PTK2: variants seen among roughly 807,000 people sequenced by gnomAD.
PTK2 encodes focal adhesion kinase 1.
A neutral mutation model predicts 150.1 loss-of-function variants in PTK2; 45 were observed. The ratio of observed to expected loss-of-function variants is 0.30; its 90% CI spans 0.24 to 0.38. PTK2 has a LOEUF of 0.38. Among genes scored for constraint, PTK2 ranks in the 10% least tolerant of loss-of-function variants. PTK2 has a pLI of 1.00. For missense variants in PTK2, 919 were observed against 1,307.3 expected (o/e 0.70, Z 4.58); for synonymous variants, 432 against 449.2 (o/e 0.96, Z 0.48).
At chr8:140,747,007 C>T in intron 17 of PTK2, 147 bp from the exon 21 acceptor site, 2 of 571,640 alleles carry the variant, frequency 3.5e-6, no homozygotes, top group Admixed American at 6.2e-5. Flanking sequence ...TCTCCTGCCT[C>T]AGCCTCCCGA....
chr8:140,760,552 G>A (rs2100068821), intron 16 of PTK2, among the ~76,000 whole-genome samples: 1 of 152,154 alleles, frequency 6.6e-6, no homozygotes, highest in Non-Finnish European at 1.5e-5. Context: ...GAAAGTGGAT[G>A]AGTGGCTGCC....
At chr8:140,717,753 G>A (rs778442046) in intron 22 of PTK2, 44 bp from the exon 26 acceptor site, 67 of 1,512,358 alleles carry the variant, frequency 4.4e-5, no homozygotes, top group Non-Finnish European at 5.6e-5. Context: ...ACAACCCAGA[G>A]TTAGCACACA....
At chr8:140,964,863 G>T (rs1212104657) in intron 1 of PTK2, among the ~76,000 whole-genome samples, 3 of 152,036 alleles carry the variant, frequency 2.0e-5, no homozygotes, top group East Asian at 3.9e-4. Context: ...GACCTTGCTT[G>T]CCCTTAATGA....
At chr8:140,679,059 C>G (rs527401076) in intron 27 of PTK2, among the ~76,000 whole-genome samples, 1 of 112,236 alleles carries the variant, frequency 8.9e-6, no homozygotes, top group South Asian at 3.4e-4. Context: ...GACTCTTGCT[C>G]TGTCGCCCAG....
intron 1 of PTK2, among the ~76,000 whole-genome samples, chr8:140,946,607 G>C (rs1047506903): frequency 6.6e-6 from 1 of 152,096 alleles, no homozygotes; most frequent in Non-Finnish European, 1.5e-5. Flanking sequence ...GTGGTTTCCC[G>C]CATGAATACA....
chr8:140,917,610 C>T (rs1042604675), intron 2 of PTK2, among the ~76,000 whole-genome samples: 4 of 152,122 alleles, frequency 2.6e-5, no homozygotes, highest in Admixed American at 2.0e-4. Context: ...GATTTACCTA[C>T]AAAACACTGT....
At chr8:140,741,408 T>C (rs910456316) in intron 20 of PTK2, among the ~76,000 whole-genome samples, 3 of 151,422 alleles carry the variant, frequency 2.0e-5, no homozygotes, top group Non-Finnish European at 2.9e-5. Flanking sequence ...TGAGCCCAGA[T>C]AGCGCCACTG....
intron 2 of PTK2, among the ~76,000 whole-genome samples, chr8:140,902,387 AGT>A (rs199559206): frequency 0.033 from 4,982 of 152,260 alleles, 279 homozygotes; most frequent in African/African-American, 0.11. Context: ...GTTGGTTCCA[AGT>A]CTTTGCTACT....
rs2100071430 is a variant in PTK2 at position 140,764,765 on chromosome 8, C to T, written c.1178-475G>A. The stretch of plus-strand genomic sequence containing the variant: ...GGAACCTTTAGAAAATAAATGGTAC[C>T]TAATTTTTGAGATTAACTGTGCTAA... On this transcript the variant is annotated intron_variant, in intron 14 of 31. Coordinates refer to ENST00000522684, the Ensembl canonical transcript of PTK2. Among the ~76,000 whole-genome samples the T allele has an allele frequency of 1.3e-5, 2 of 152,078 alleles. 1 individual carries two copies. Among genetic ancestry groups the T allele is most frequent in the South Asian group, 4.2e-4 (2 of 4,816 alleles).
chr8:140,719,433 T>C (rs746683161), intron 22 of PTK2, among the ~76,000 whole-genome samples: 10 of 151,914 alleles, frequency 6.6e-5, no homozygotes, highest in Non-Finnish European at 1.3e-4. Context: ...TGGTGAGTGG[T>C]GCAGGGAAGT....
intron 4 of PTK2, among the ~76,000 whole-genome samples, chr8:140,877,765 CCTTTT>C (rs2100146548): frequency 6.6e-6 from 1 of 152,050 alleles, no homozygotes; most frequent in African/African-American, 2.4e-5. Flanking sequence ...AATTTTTCTT[CCTTTT>C]GAGGATTCAA....
intron 3 of PTK2, among the ~76,000 whole-genome samples, chr8:140,886,239 T>C (rs2100152235): frequency 1.3e-5 from 2 of 152,288 alleles, no homozygotes; most frequent in South Asian, 4.1e-4. Context: ...GGTTATTTTG[T>C]AGCAAGAAGT....
chr8:140,801,678 A>T lies in PTK2; in HGVS notation c.976-1102T>A, dbSNP rs116698825. Among the ~76,000 whole-genome samples the T allele has an allele frequency of 2.3e-3, 345 of 152,326 alleles. 5 individuals carry two copies. Among genetic ancestry groups the T allele is most frequent in the African/African-American group, 7.7e-3 (319 of 41,580 alleles). The stretch of plus-strand genomic sequence containing the variant: ...CAGTATCAGGTACTGCTGCTGTTAT[A>T]ATTATTATAATCATATAATAATAAC... On this transcript the variant is annotated intron_variant, in intron 11 of 31. Transcript: ENST00000522684.
At chr8:140,693,564 T>TAAAAAAAAAAAAAAAAAAAAAA (rs377205785) in intron 26 of PTK2, among the ~76,000 whole-genome samples, 1 of 72,458 alleles carries the variant, frequency 1.4e-5, no homozygotes, top group African/African-American at 6.0e-5. Flanking sequence ...TTGTCTCAAT[T>TAAAAAAAAAAAAAAAAAAAAAA]AAAAAAAAAA....
At chr8:140,924,936 G>C (rs757565430) in intron 2 of PTK2, among the ~76,000 whole-genome samples, 1 of 152,136 alleles carries the variant, frequency 6.6e-6, no homozygotes, top group Admixed American at 6.5e-5. Context: ...GTAAGCATAA[G>C]AGAGAACTCT....
intron 16 of PTK2, among the ~76,000 whole-genome samples, chr8:140,757,827 A>G (rs569896971): frequency 6.6e-6 from 1 of 152,234 alleles, no homozygotes. Context: ...TAGTGGTCTC[A>G]TAAGATTATA....
At chr8:140,711,270 C>T (rs2100036709) in intron 23 of PTK2, among the ~76,000 whole-genome samples, 1 of 152,164 alleles carries the variant, frequency 6.6e-6, no homozygotes, top group African/African-American at 2.4e-5. Context: ...CCACACCTGG[C>T]TAATTTTTGT....
intron 1 of PTK2, among the ~76,000 whole-genome samples, chr8:140,998,595 G>T (rs879507515): frequency 2.7e-4 from 41 of 151,964 alleles, no homozygotes; most frequent in Non-Finnish European, 5.4e-4. Flanking sequence ...AAGGTGGGCG[G>T]ATCATGAGGT....
At chr8:140,950,394 A>G (rs1178594669) in intron 1 of PTK2, among the ~76,000 whole-genome samples, 1 of 152,224 alleles carries the variant, frequency 6.6e-6, no homozygotes, top group Non-Finnish European at 1.5e-5. Flanking sequence ...CAGAGGCTGC[A>G]TGCAGTACAT....
Sources: allele counts gnomAD v4.1 joint callset (sites outside exome capture counted in the v4.1 genomes callset), GRCh38; gene constraint gnomAD v4.1.1; transcripts MANE v1.5; gene names NCBI Gene and HGNC (gene_info 2026-07-23, HGNC 2026-07-21).